Variants in PDS5A observed in about 807,000 individuals in gnomAD.
PDS5A encodes the protein sister chromatid cohesion protein PDS5 homolog A.
PDS5A carries 42 observed loss-of-function variants against 167.1 expected under a neutral mutation model. That is an observed-to-expected ratio of 0.25 (90% CI 0.20 to 0.33). The LOEUF (loss-of-function observed/expected upper bound fraction) is 0.33. Among genes scored for constraint, PDS5A ranks in the 10% least tolerant of loss-of-function variants. The pLI is 1.00. For missense variants in PDS5A, 1,033 were observed against 1,605.9 expected, an observed-to-expected ratio of 0.64 and a Z score of 6.10; for synonymous variants, 553 against 554.6, an observed-to-expected ratio of 1.00 and a Z score of 0.04.
At chr4:39,971,696 G>A (rs1425379972) in intron 2 of PDS5A, among the ~76,000 whole-genome samples, 1 of 151,996 alleles carries the variant, frequency 6.6e-6, no homozygotes, top group African/African-American at 2.4e-5. Flanking sequence ...CTGAGCTCAA[G>A]AGATCCACCT....
At position 39,885,143 on chromosome 4, in the gene PDS5A, G is replaced by A. The variant is rs538892059; in HGVS notation, c.1886+5106C>T. Among the ~76,000 whole-genome samples, 13 of 149,362 alleles carry A rather than the reference G, an allele frequency of 8.7e-5. No homozygotes were observed. In the South Asian group the frequency reaches 2.7e-3, roughly 31 times the overall value. ...CCTAGCATGGTGGCGCACACCTGTA[G>A]ATACAGCTACTCGGGAGGCCGAACC... On this transcript the variant is annotated intron_variant, in intron 17 of 32. Coordinates refer to ENST00000303538, the MANE Select transcript of PDS5A (RefSeq NM_001100399.2).
intron 16 of PDS5A, among the ~76,000 whole-genome samples, chr4:39,891,494 C>T (rs1385650420): frequency 6.6e-6 from 1 of 151,388 alleles, no homozygotes; most frequent in Non-Finnish European, 1.5e-5. Context: ...ATTAAAAATA[C>T]AAAATCAGCC....
At chr4:39,926,912 A>G (rs1725527548) in intron 3 of PDS5A, 51 bp from the exon 4 acceptor site, 2 of 1,324,806 alleles carry the variant, frequency 1.5e-6, no homozygotes, top group African/African-American at 3.1e-5. Flanking sequence ...TTTCTTTCAC[A>G]ACACACTAAT....
chr4:39,907,277 C>G (rs985332700), intron 11 of PDS5A, among the ~76,000 whole-genome samples: 1 of 152,008 alleles, frequency 6.6e-6, no homozygotes, highest in Non-Finnish European at 1.5e-5. Context: ...AGGTATCTGC[C>G]TTTTTTTAAA....
intron 32 of PDS5A, among the ~76,000 whole-genome samples, chr4:39,836,727 G>A (rs527416813): frequency 6.7e-6 from 1 of 148,988 alleles, no homozygotes; most frequent in East Asian, 2.0e-4. Flanking sequence ...GCCTCCCAAA[G>A]TGTTGGGATT....
intron 2 of PDS5A, among the ~76,000 whole-genome samples, chr4:39,954,134 A>C (rs975767688): frequency 1.3e-5 from 2 of 151,858 alleles, no homozygotes; most frequent in Admixed American, 1.3e-4. Context: ...AGAGCCTAGG[A>C]GTTTGACAGC....
intron 16 of PDS5A, among the ~76,000 whole-genome samples, chr4:39,891,144 C>T (rs1721925503): frequency 6.6e-6 from 1 of 151,784 alleles, no homozygotes; most frequent in South Asian, 2.1e-4. Context: ...AACAACTCTC[C>T]TGCCTCAGCC....
chr4:39,952,357 A>G (rs1458557815), intron 2 of PDS5A, among the ~76,000 whole-genome samples: 1 of 152,148 alleles, frequency 6.6e-6, no homozygotes, highest in Non-Finnish European at 1.5e-5. Flanking sequence ...CAATTATTTC[A>G]ATTTTATTTT....
chr4:39,920,126 T>C (rs1724809389), intron 7 of PDS5A, among the ~76,000 whole-genome samples, 193 bp downstream of exon 7: 1 of 152,108 alleles, frequency 6.6e-6, no homozygotes, highest in Non-Finnish European at 1.5e-5. Context: ...GCAGACGACT[T>C]TTCTTATAGT....
At chr4:39,945,458 C>CAA (rs1210256217) in intron 2 of PDS5A, among the ~76,000 whole-genome samples, 1,080 of 66,638 alleles carry the variant, frequency 0.016, 32 homozygotes, top group African/African-American at 0.052. Flanking sequence ...GAGACTGCCT[C>CAA]AAAAAAAAAA....
Position 39,903,250 on chromosome 4 carries a change from T to C in PDS5A, c.1385+790A>G, listed in dbSNP as rs143537944. Among the ~76,000 whole-genome samples the C allele has an allele frequency of 2.0e-3, 312 of 152,362 alleles. 2 individuals are homozygous for C. Among genetic ancestry groups the C allele is most frequent in the African/African-American group, 7.2e-3 (301 of 41,588 alleles). On this transcript the variant is annotated intron_variant, in intron 12 of 32. Transcript: ENST00000303538. ...CATATTACTTCCAGAAAATGTAGTT[T>C]TTCCTGTGTACATCTGATTATTGTT... is the stretch of plus-strand genomic sequence containing the variant.
intron 32 of PDS5A, among the ~76,000 whole-genome samples, chr4:39,825,881 C>CA (rs940707042): frequency 8.5e-5 from 13 of 152,154 alleles, no homozygotes; most frequent in African/African-American, 3.1e-4. Flanking sequence ...ACTGGGATTA[C>CA]AGGCATGAGT....
rs1714989325 is a variant in PDS5A at position 39,822,902 on chromosome 4, T to C, written c.*2583A>G. 1 of 152,574 alleles carries C rather than the reference T, an allele frequency of 6.6e-6. No individual in the cohort carries two copies. Among genetic ancestry groups the C allele is most frequent in the African/African-American group, 2.4e-5 (1 of 41,454 alleles). 9.5% of individuals were successfully genotyped at this position (152,574 alleles called of 1,614,324 possible). A position where few individuals can be genotyped will look rare whatever the true frequency, so the allele number is the denominator to read the frequency against. On this transcript the variant is annotated 3_prime_UTR_variant, in exon 33 of 33. Coordinates refer to ENST00000303538, the MANE Select transcript of PDS5A (RefSeq NM_001100399.2). ...TTGGTTTTATTTGAAACAGTGCATA[T>C]TTTTAGCATTTTATGGTAGGATTTT...
chr4:39,875,431 T>C (rs1720384019), intron 19 of PDS5A, among the ~76,000 whole-genome samples: 1 of 152,242 alleles, frequency 6.6e-6, no homozygotes, highest in South Asian at 2.1e-4. Flanking sequence ...GAAACAAACA[T>C]TTAAGGAAAG....
At chr4:39,885,095 C>T (rs1268567253) in intron 17 of PDS5A, among the ~76,000 whole-genome samples, 1 of 148,848 alleles carries the variant, frequency 6.7e-6, no homozygotes, top group East Asian at 2.0e-4. Context: ...AAACCCTGCT[C>T]TACTAAAAAT....
At chr4:39,968,790 T>C (rs1413829759) in intron 2 of PDS5A, among the ~76,000 whole-genome samples, 1 of 151,186 alleles carries the variant, frequency 6.6e-6, no homozygotes, top group Non-Finnish European at 1.5e-5. Context: ...TTTTTTTTTT[T>C]CTCGTGACAG....
In PDS5A at chr4:39,873,030, C is replaced by T. The variant is rs1265010184; in HGVS notation, c.2392G>A (p.Val798Ile). 3 of 1,532,954 alleles carry T rather than the reference C, an allele frequency of 2.0e-6. No homozygotes were observed. Among genetic ancestry groups the T allele is most frequent in the East Asian group, 2.3e-5 (1 of 43,544 alleles). 95.0% of individuals were successfully genotyped at this position (1,532,954 alleles called of 1,614,324 possible). The change falls in exon 21 of 33, where the codon GTA becomes ATA. Residue 798 changes from valine (V) to isoleucine (I), a missense_variant. Transcript: ENST00000303538. ...TCTTTCACAATAAAATTTGCTACTA[C>T]AGATTTCATTGGGGAAGCAAACTGA... is the stretch of plus-strand genomic sequence containing the variant. ...PDQFASPMKSVVANFIVKDLL... is the reference protein window; with the variant it reads ...PDQFASPMKSIVANFIVKDLL...
At chr4:39,903,957 G>T in intron 12 of PDS5A, 83 bp downstream of exon 12, 2 of 682,288 alleles carry the variant, frequency 2.9e-6, no homozygotes, top group Non-Finnish European at 4.4e-6. Context: ...ATAAAAATAA[G>T]AAATTACTAA....
chr4:39,975,051 T>C (rs1374429724), intron 2 of PDS5A, among the ~76,000 whole-genome samples: 2 of 134,072 alleles, frequency 1.5e-5, no homozygotes, highest in African/African-American at 2.9e-5. Context: ...GAGGTTGCAG[T>C]GGGCCGAGAC....
Sources: gnomAD v4.1 joint callset for allele counts (sites outside exome capture counted in the v4.1 genomes callset) on GRCh38, gnomAD v4.1.1 for gene constraint, MANE v1.5 for transcripts, NCBI Gene and HGNC (gene_info 2026-07-23, HGNC 2026-07-21) for gene names.